ASIC2: variants seen among roughly 807,000 people sequenced by gnomAD.
ASIC2 encodes the protein acid-sensing ion channel 2.
A neutral mutation model predicts 57.3 loss-of-function variants in ASIC2; 25 were observed. The observed-to-expected ratio is 0.44, with a 90% CI of 0.32 to 0.61. The LOEUF (loss-of-function observed/expected upper bound fraction) is 0.61, where lower values mean the gene tolerates loss of function less well. Ranked by LOEUF, ASIC2 falls within the 20% of genes least tolerant of loss-of-function variation. The probability of loss-of-function intolerance (pLI) is 0.06; values close to 1 mark genes in which losing one functional copy is unlikely to be tolerated. For missense variants in ASIC2, 641 were observed against 738.1 expected (o/e 0.87, Z 1.52); for synonymous variants, 319 against 307.5 (o/e 1.04, Z -0.39).
intron 1 of ASIC2, among the ~76,000 whole-genome samples, chr17:33,799,004 C>A (rs995982221): frequency 6.6e-6 from 1 of 152,210 alleles, no homozygotes; most frequent in Non-Finnish European, 1.5e-5. Flanking sequence ...CCTGGAGCTG[C>A]ATCCTTTCTT....
At chr17:33,911,229 T>C (rs903340352) in intron 1 of ASIC2, among the ~76,000 whole-genome samples, 1 of 152,118 alleles carries the variant, frequency 6.6e-6, no homozygotes, top group Non-Finnish European at 1.5e-5. Flanking sequence ...GACCTCTGTG[T>C]AATCTACAAA....
chr17:33,620,674 G>A (rs369698612), intron 1 of ASIC2, among the ~76,000 whole-genome samples: 6 of 152,224 alleles, frequency 3.9e-5, no homozygotes, highest in African/African-American at 7.2e-5. Context: ...TAAAACTATC[G>A]TTTCATCTGT....
intron 1 of ASIC2, among the ~76,000 whole-genome samples, chr17:33,461,436 A>C (rs1374248471): frequency 6.6e-6 from 1 of 151,836 alleles, no homozygotes; most frequent in East Asian, 1.9e-4. Context: ...TTCACACTCA[A>C]TCTCCTTACA....
At chr17:33,017,272 C>T (rs1364679332) in intron 8 of ASIC2, among the ~76,000 whole-genome samples, 1 of 152,214 alleles carries the variant, frequency 6.6e-6, no homozygotes, top group Non-Finnish European at 1.5e-5. Flanking sequence ...TCCAGCCCAG[C>T]TGCAGGAGGG....
chr17:33,643,154 C>G (rs561301011), intron 1 of ASIC2, among the ~76,000 whole-genome samples: 2 of 150,726 alleles, frequency 1.3e-5, no homozygotes, highest in South Asian at 2.2e-4. Context: ...ATTTCCCCCC[C>G]CCCACATTTG....
At chr17:33,327,568 C>A (rs919435064) in intron 1 of ASIC2, among the ~76,000 whole-genome samples, 4 of 152,102 alleles carry the variant, frequency 2.6e-5, no homozygotes, top group African/African-American at 9.7e-5. Context: ...TGAATGTGAC[C>A]AATTCCCTAC....
rs554409579 is a variant in ASIC2, at chr17:33,333,417, A to G, written c.556-221350T>C. Among the ~76,000 whole-genome samples the G allele has an allele frequency of 7.9e-5, 12 of 152,358 alleles. No individual in the cohort carries two copies. In the South Asian group the frequency reaches 2.5e-3, roughly 32 times the overall value. ...TCATGCACCCATTCAAAATAACATC[A>G]GAGAGTTATCATAAAGAGAACTTCT... On this transcript the variant is annotated intron_variant, in intron 1 of 9. Coordinates refer to the ASIC2 transcript ENST00000359872.
intron 1 of ASIC2, among the ~76,000 whole-genome samples, chr17:34,046,759 T>G (rs1426214566): frequency 6.6e-6 from 1 of 152,192 alleles, no homozygotes; most frequent in Non-Finnish European, 1.5e-5. Flanking sequence ...TAATAACATT[T>G]TTATGGGTGA....
At chr17:33,157,604 C>A (rs936024422) in intron 1 of ASIC2, among the ~76,000 whole-genome samples, 1 of 152,214 alleles carries the variant, frequency 6.6e-6, no homozygotes, top group Non-Finnish European at 1.5e-5. Context: ...CCACATCTAA[C>A]CCATTGGGAA....
intron 1 of ASIC2, among the ~76,000 whole-genome samples, chr17:33,379,670 G>T (rs777970139): frequency 1.3e-5 from 2 of 152,164 alleles, no homozygotes; most frequent in Non-Finnish European, 2.9e-5. Context: ...ATGTGGCGAG[G>T]ACCATCAAGG....
At chr17:34,032,704 A>G (rs1049517766) in intron 1 of ASIC2, among the ~76,000 whole-genome samples, 1 of 152,108 alleles carries the variant, frequency 6.6e-6, no homozygotes, top group African/African-American at 2.4e-5. Flanking sequence ...AAAGGCAGGG[A>G]TTGCAATCCT....
intron 1 of ASIC2, among the ~76,000 whole-genome samples, chr17:33,933,915 C>G (rs1916001231): frequency 2.0e-5 from 3 of 152,186 alleles, no homozygotes; most frequent in Admixed American, 2.0e-4. Context: ...TGGGCACATC[C>G]CAAGATCAGG....
chr17:33,725,968 A>G (rs1158655390), intron 1 of ASIC2, among the ~76,000 whole-genome samples: 1 of 152,112 alleles, frequency 6.6e-6, no homozygotes, highest in Non-Finnish European at 1.5e-5. Flanking sequence ...GGGGTTCCCA[A>G]TTGGACCACC....
chr17:33,472,731 G>A (rs1345732538), intron 1 of ASIC2, among the ~76,000 whole-genome samples: 1 of 152,106 alleles, frequency 6.6e-6, no homozygotes, highest in Non-Finnish European at 1.5e-5. Context: ...GAGAAGGAAG[G>A]AAACAAGAAA....
intron 1 of ASIC2, among the ~76,000 whole-genome samples, chr17:33,941,261 G>A (rs892134082): frequency 2.0e-5 from 3 of 152,214 alleles, no homozygotes; most frequent in Non-Finnish European, 4.4e-5. Context: ...CACACAGACA[G>A]GAGAGTCTTT....
At chr17:34,133,046 G>T (rs2158261) in intron 1 of ASIC2, among the ~76,000 whole-genome samples, 2 of 152,044 alleles carry the variant, frequency 1.3e-5, no homozygotes, top group Non-Finnish European at 2.9e-5. Context: ...TATATGTAAA[G>T]GCAGAAGAGA....
At chr17:33,314,411 G>C (rs1238403011) in intron 1 of ASIC2, among the ~76,000 whole-genome samples, 4 of 152,120 alleles carry the variant, frequency 2.6e-5, no homozygotes, top group Non-Finnish European at 4.4e-5. Context: ...CCAAGAACTT[G>C]GGTATTCTTG....
intron 1 of ASIC2, among the ~76,000 whole-genome samples, chr17:33,369,308 T>C (rs1442265391): frequency 6.6e-6 from 1 of 152,196 alleles, no homozygotes; most frequent in African/African-American, 2.4e-5. Context: ...GAGAATGAGC[T>C]GGCTGCCTTG....
At chr17:33,645,725 G>A (rs1252138320) in intron 1 of ASIC2, among the ~76,000 whole-genome samples, 1 of 152,088 alleles carries the variant, frequency 6.6e-6, no homozygotes, top group Non-Finnish European at 1.5e-5. Context: ...CAGTCCACAA[G>A]TGCTATTTGC....
Sources: gnomAD v4.1 joint callset for allele counts (sites outside exome capture counted in the v4.1 genomes callset) on GRCh38, gnomAD v4.1.1 for gene constraint, MANE v1.5 for transcripts, NCBI Gene and HGNC (gene_info 2026-07-23, HGNC 2026-07-21) for gene names.